Variants in PTPRN2 observed in about 807,000 individuals in gnomAD.
PTPRN2 encodes the protein protein tyrosine phosphatase receptor type N2, also known as receptor-type tyrosine-protein phosphatase N2.
A neutral mutation model predicts 118.8 loss-of-function variants in PTPRN2; 74 were observed. That is an observed-to-expected ratio of 0.62 (90% CI 0.52 to 0.76). PTPRN2 has a LOEUF of 0.76. Ranked by LOEUF, PTPRN2 falls within the 30% of genes least tolerant of loss-of-function variation. The pLI is 0.00. For missense variants in PTPRN2, 1,481 were observed against 1,394.4 expected (o/e 1.06, Z -0.99); for synonymous variants, 641 against 608.0 (o/e 1.05, Z -0.80).
chr7:158,103,563 G>A lies in PTPRN2; in HGVS notation c.1643+7266C>T, dbSNP rs113555123. On this transcript the variant is annotated intron_variant, in intron 10 of 22. Coordinates refer to ENST00000389418, the MANE Select transcript of PTPRN2 (RefSeq NM_002847.5). ...CTCCAGCCTCACTTCCCTAGCATGA[G>A]TTGTACTCAGAATGTCTGAGGTCAC... Among the ~76,000 whole-genome samples the A allele has an allele frequency of 7.2e-3, 1,089 of 152,304 alleles. 13 individuals carry two copies. The highest frequency in any genetic ancestry group is 0.018 in the African/African-American group (732 of 41,570).
At chr7:158,381,781 G>A (rs1347712546) in intron 2 of PTPRN2, among the ~76,000 whole-genome samples, 1 of 152,224 alleles carries the variant, frequency 6.6e-6, no homozygotes, top group Non-Finnish European at 1.5e-5. Context: ...TTGACTCACA[G>A]TTCCACATGG....
At chr7:157,558,908 G>C (rs1349688771) in intron 21 of PTPRN2, among the ~76,000 whole-genome samples, 1 of 152,232 alleles carries the variant, frequency 6.6e-6, no homozygotes, top group Non-Finnish European at 1.5e-5. Flanking sequence ...TGCAAACACA[G>C]AGACCTTGTC....
intron 12 of PTPRN2, among the ~76,000 whole-genome samples, chr7:157,879,871 G>T (rs1434065761): frequency 1.4e-5 from 2 of 146,880 alleles, no homozygotes; most frequent in Admixed American, 1.4e-4. Context: ...AGCTTCAATA[G>T]CCCCTTGATT....
At position 158,234,333 on chromosome 7, in the gene PTPRN2, T is replaced by TA. The variant is rs552230438; in HGVS notation, c.278-29061dup. ...AAGATCTGAATAGACATTTTTCAAA[T>TA]AAAAACATATAAATGGCCAACAGGT... On this transcript the variant is annotated intron_variant, in intron 3 of 22. Transcript: ENST00000389418. 1.2e-3 allele frequency among the ~76,000 whole-genome samples: 180 copies of TA among 147,850 alleles called. 1 individual carries two copies. Among genetic ancestry groups the TA allele is most frequent in the African/African-American group, 4.4e-3 (178 of 40,568 alleles).
intron 2 of PTPRN2, among the ~76,000 whole-genome samples, chr7:158,329,888 G>A (rs918440224): frequency 1.3e-5 from 2 of 152,002 alleles, no homozygotes; most frequent in Admixed American, 6.6e-5. Flanking sequence ...GAGAAAATGC[G>A]GTCACCATAG....
At chr7:157,695,668 T>C (rs1563354807) in intron 12 of PTPRN2, among the ~76,000 whole-genome samples, 2 of 152,224 alleles carry the variant, frequency 1.3e-5, no homozygotes, top group Admixed American at 6.5e-5. Flanking sequence ...CACAGACAAA[T>C]ATGGATGACT....
At position 158,262,383 on chromosome 7, in the gene PTPRN2, ACATT is replaced by A. The variant is rs1797483653; in HGVS notation, c.277+54432_277+54435del. ...AAACATTCACTGCACACACATACAC[ACATT>A]CACACACACTGCACACACACATACA... On this transcript the variant is annotated intron_variant, in intron 3 of 22. Coordinates refer to ENST00000389418, the MANE Select transcript of PTPRN2 (RefSeq NM_002847.5). Among the ~76,000 whole-genome samples the A allele has an allele frequency of 6.7e-5, 10 of 150,280 alleles. No individual in the cohort carries two copies. The South Asian group carries it at 2.1e-3, about 32-fold the overall frequency.
In PTPRN2 at chr7:158,574,900, G is replaced by A. The variant is rs958420776; in HGVS notation, c.112+12658C>T. Among the ~76,000 whole-genome samples, 44 of 151,508 alleles carry A rather than the reference G, an allele frequency of 2.9e-4. No individual in the cohort carries two copies. The highest frequency in any genetic ancestry group is 6.2e-4 in the Non-Finnish European group (42 of 68,020). On this transcript the variant is annotated intron_variant, in intron 1 of 22. Coordinates refer to ENST00000389418, the MANE Select transcript of PTPRN2 (RefSeq NM_002847.5). The surrounding 1 kb of genome is among the most constrained non-coding windows in gnomAD (Gnocchi z 4.6). ...CCATCCACCTAGTCCCAGCAGCAGA[G>A]GTGAGAGCCACTGATTTACACGGCA...
At position 157,598,987 on chromosome 7, in the gene PTPRN2, C is replaced by A. The variant is rs1801508202; in HGVS notation, c.2419-3672G>T. Among the ~76,000 whole-genome samples, 2 of 151,848 alleles carry A rather than the reference C, an allele frequency of 1.3e-5. No homozygotes were observed. Among genetic ancestry groups the A allele is most frequent in the South Asian group, 2.1e-4 (1 of 4,812 alleles). On this transcript the variant is annotated intron_variant, in intron 16 of 22. Transcript: ENST00000389418. This position sits in a 1 kb window ranked among gnomAD's most constrained non-coding sequence, Gnocchi z 5.2. ...AAAATCAACAGCCAGAAGGCAAGTA[C>A]AATTAACAGTATAATTCTGTTTTTA...
chr7:157,714,794 C>T (rs1798819347), intron 12 of PTPRN2, among the ~76,000 whole-genome samples: 1 of 146,864 alleles, frequency 6.8e-6, no homozygotes, highest in Non-Finnish European at 1.5e-5. Context: ...TGAAAGGATT[C>T]TAGGTCTCCC....
At chr7:157,563,625 C>T (rs955994072) in intron 21 of PTPRN2, among the ~76,000 whole-genome samples, 20 of 148,008 alleles carry the variant, frequency 1.4e-4, no homozygotes, top group Middle Eastern at 7.4e-3. Flanking sequence ...GGACCACGTG[C>T]TCCCACATCA....
chr7:157,570,223 C>G (rs1331195228), intron 20 of PTPRN2, among the ~76,000 whole-genome samples: 1 of 152,254 alleles, frequency 6.6e-6, no homozygotes, highest in Non-Finnish European at 1.5e-5. Flanking sequence ...TTGCTGAGTG[C>G]CTTTCTCACT....
chr7:157,713,363 T>C (rs1798746397), intron 12 of PTPRN2, among the ~76,000 whole-genome samples: 1 of 152,196 alleles, frequency 6.6e-6, no homozygotes, highest in Admixed American at 6.5e-5. Context: ...TTGCACTTAA[T>C]CTATTTTCTC....
chr7:158,098,015 C>A (rs1814784570), intron 10 of PTPRN2, among the ~76,000 whole-genome samples: 1 of 152,154 alleles, frequency 6.6e-6, no homozygotes, highest in Non-Finnish European at 1.5e-5. Flanking sequence ...GAGACACCAA[C>A]GAGGCACAGC....
At chr7:158,209,347 G>A (rs145775903) in intron 3 of PTPRN2, among the ~76,000 whole-genome samples, 1 of 152,052 alleles carries the variant, frequency 6.6e-6, no homozygotes, top group African/African-American at 2.4e-5. Context: ...TAAAAAGAAA[G>A]GGATGGAAAA....
intron 1 of PTPRN2, among the ~76,000 whole-genome samples, chr7:158,523,465 A>C (rs1190217419): frequency 1.5e-5 from 2 of 133,554 alleles, no homozygotes; most frequent in Non-Finnish European, 3.2e-5. Context: ...TCTGCCCTGG[A>C]GTGGAGTCCT....
chr7:158,465,336 T>C (rs531173565), intron 2 of PTPRN2, among the ~76,000 whole-genome samples: 1 of 152,342 alleles, frequency 6.6e-6, no homozygotes, highest in South Asian at 2.1e-4. Flanking sequence ...ATTCTTAAAA[T>C]GCTTTCTTGG....
chr7:157,995,864 G>T (rs1190068613), intron 11 of PTPRN2, among the ~76,000 whole-genome samples: 4 of 152,240 alleles, frequency 2.6e-5, no homozygotes. Flanking sequence ...AGCAAAACAT[G>T]AAATCGACGT....
At chr7:157,817,583 A>G (rs1806494169) in intron 12 of PTPRN2, among the ~76,000 whole-genome samples, 1 of 152,166 alleles carries the variant, frequency 6.6e-6, no homozygotes, top group African/African-American at 2.4e-5. Context: ...CTCAGGGAAA[A>G]GAGGAGAGAA....
Sources: gnomAD v4.1 joint callset for allele counts (sites outside exome capture counted in the v4.1 genomes callset) on GRCh38, gnomAD v4.1.1 for gene constraint, Gnocchi (gnomAD v3.1) non-coding constraint, MANE v1.5 for transcripts, NCBI Gene and HGNC (gene_info 2026-07-23, HGNC 2026-07-21) for gene names.